The following LDHC variants were observed in gnomAD, a reference collection of about 807,000 sequenced individuals.
LDHC encodes L-lactate dehydrogenase C chain.
In LDHC, 20 loss-of-function variants were observed where a neutral mutation model predicts 30.2. That is an observed-to-expected ratio of 0.66 (90% CI 0.47 to 0.96). LDHC has a LOEUF of 0.96. Ranked by LOEUF, LDHC falls within the 40% of genes least tolerant of loss-of-function variation. The pLI is 0.00. For missense variants in LDHC, 362 were observed against 394.9 expected (o/e 0.92, Z 0.71); for synonymous variants, 139 against 132.7 (o/e 1.05, Z -0.32).
chr11:18,450,771 C>T (rs2133851010), intron 7 of LDHC, 192 bp from the exon 8 acceptor site: 1 of 465,132 alleles, frequency 2.1e-6, no homozygotes, highest in African/African-American at 2.1e-5. Flanking sequence ...TTCTTCATGT[C>T]ACTGAATGTA....
Position 18,429,806 on chromosome 11 carries a change from C to T in LDHC, c.314C>T (p.Thr105Ile), listed in dbSNP as rs1848232417. 13 of 1,611,904 alleles carry T rather than the reference C, an allele frequency of 8.1e-6. No homozygotes were observed. Among genetic ancestry groups the T allele is most frequent in the Non-Finnish European group, 5.1e-6 (6 of 1,178,042 alleles). The part of the protein sequence containing the change: ...TAGARQQEGE[T>I]RLALVQRNVA... ...GGTGCAAGGCAGCAGGAGGGAGAAA[C>T]TCGCCTTGCCCTGGTCCAACGTAAT... Residue 105 changes from threonine (T) to isoleucine (I), a missense_variant, in exon 4 of 8, where the codon ACT (threonine) becomes ATT (isoleucine). Thr to Ile is a moderately conservative substitution (Grantham distance 89). Coordinates refer to ENST00000541669, the MANE Select transcript of LDHC (RefSeq NM_017448.5).
At chr11:18,428,802 G>A (rs140739480) in intron 3 of LDHC, among the ~76,000 whole-genome samples, 116 of 151,338 alleles carry the variant, frequency 7.7e-4, no homozygotes, top group East Asian at 9.8e-4. Context: ...TTGAACCTGA[G>A]TGGCAGACGT....
intron 6 of LDHC, among the ~76,000 whole-genome samples, chr11:18,442,922 T>C (rs73440610): frequency 0.15 from 22,716 of 152,082 alleles, 1,882 homozygotes; most frequent in Middle Eastern, 0.22. Context: ...CTCAGCCTCC[T>C]GAAGCCACCA....
At chr11:18,447,816 G>A (rs1001035926) in intron 7 of LDHC, among the ~76,000 whole-genome samples, 1 of 152,172 alleles carries the variant, frequency 6.6e-6, no homozygotes, top group Non-Finnish European at 1.5e-5. Context: ...TTGGGAGGCT[G>A]AGGCCGGTGG....
chr11:18,415,788 G>A lies in LDHC; in HGVS notation c.244+487G>A, dbSNP rs558333177. Among the ~76,000 whole-genome samples the A allele has an allele frequency of 1.5e-4, 23 of 151,158 alleles. No homozygotes were observed. The South Asian group carries it at 3.8e-3, about 25-fold the overall frequency. ...GCTCACTGCAACCTCCGCCACCTGG[G>A]TTCAAGCAATTTTCTTGCCTCAGTC... On this transcript the variant is annotated intron_variant, in intron 3 of 7. Transcript: ENST00000541669.
chr11:18,445,441 C>T (rs1209958164), intron 6 of LDHC, among the ~76,000 whole-genome samples: 1 of 152,148 alleles, frequency 6.6e-6, no homozygotes, highest in Admixed American at 6.5e-5. Context: ...TCGTGATCCA[C>T]CCACCTCGGC....
At chr11:18,446,567 C>T (rs1044295391) in intron 7 of LDHC, among the ~76,000 whole-genome samples, 52 of 152,174 alleles carry the variant, frequency 3.4e-4, no homozygotes, top group Non-Finnish European at 6.5e-4. Context: ...GTTTTGAGCC[C>T]TGGCATATAA....
rs1180489452 is a variant in LDHC at position 18,435,045 on chromosome 11, C to CT, written c.592+136dup. 3 of 532,758 alleles carry CT rather than the reference C, an allele frequency of 5.6e-6. No homozygotes were observed. In the African/African-American group the frequency reaches 5.8e-5, roughly 10 times the overall value. The allele number at this position is 532,758 out of a possible 1,614,324, so 33.0% of individuals were successfully genotyped here. A position where few individuals can be genotyped will look rare whatever the true frequency, so the allele number is the denominator to read the frequency against. On this transcript the variant is annotated intron_variant, in intron 5 of 7. Coordinates refer to ENST00000541669, the MANE Select transcript of LDHC (RefSeq NM_017448.5). ...TTTTTTTGGTATTTCCCTGGTGTAA[C>CT]TTTTACTATTCCTTTAGTTTCAATC...
intron 5 of LDHC, among the ~76,000 whole-genome samples, chr11:18,435,126 GT>G (rs1565053572): frequency 6.6e-6 from 1 of 152,216 alleles, no homozygotes; most frequent in East Asian, 1.9e-4. Context: ...GCATATAGCT[GT>G]TTTAATAGTC....
chr11:18,414,523 A>T (rs1454002870), intron 2 of LDHC, among the ~76,000 whole-genome samples: 1 of 152,142 alleles, frequency 6.6e-6, no homozygotes, highest in East Asian at 1.9e-4. Context: ...AATTAGGGTT[A>T]AGGTTAAATA....
intron 7 of LDHC, among the ~76,000 whole-genome samples, chr11:18,448,300 G>C (rs1020073418): frequency 6.6e-6 from 1 of 152,028 alleles, no homozygotes; most frequent in Non-Finnish European, 1.5e-5. Context: ...ATGTTTTGGG[G>C]AGGGATGAAG....
chr11:18,418,442 T>C (rs866449543), intron 3 of LDHC, among the ~76,000 whole-genome samples: 1 of 151,580 alleles, frequency 6.6e-6, no homozygotes, highest in Non-Finnish European at 1.5e-5. Context: ...TTTTATTTTA[T>C]TTTTTGAGAT....
At chr11:18,419,023 TCA>T (rs201545492) in intron 3 of LDHC, among the ~76,000 whole-genome samples, 1,796 of 152,270 alleles carry the variant, frequency 0.012, 19 homozygotes, top group South Asian at 0.021. Context: ...TTTCACTGAC[TCA>T]TAAAATTTAG....
intron 3 of LDHC, among the ~76,000 whole-genome samples, chr11:18,418,584 C>T (rs1328463624): frequency 6.6e-6 from 1 of 151,800 alleles, no homozygotes; most frequent in Admixed American, 6.6e-5. Context: ...TGCATACCAC[C>T]ATGCCCAGCT....
chr11:18,450,131 G>C (rs143075940), intron 7 of LDHC: 1 of 152,578 alleles, frequency 6.6e-6, no homozygotes, highest in East Asian at 1.9e-4. Context: ...TCCAAGACCA[G>C]GGAGGATAGT....
At chr11:18,420,154 A>G (rs897053981) in intron 3 of LDHC, among the ~76,000 whole-genome samples, 2 of 152,192 alleles carry the variant, frequency 1.3e-5, no homozygotes, top group Admixed American at 6.5e-5. Context: ...ACACATTTGA[A>G]GAGAGAAGTG....
At position 18,451,118 on chromosome 11, in the gene LDHC, A is replaced by G; in HGVS notation, c.990A>G (p.Leu330=). The G allele has an allele frequency of 6.6e-7, 1 of 1,507,910 alleles. No homozygotes were observed. Among genetic ancestry groups the G allele is most frequent in the Non-Finnish European group, 8.8e-7 (1 of 1,133,726 alleles). 93.4% of individuals were successfully genotyped at this position (1,507,910 alleles called of 1,614,324 possible). Residue 330 remains leucine (L), a synonymous_variant, in exon 8 of 8, where the codon CTA becomes CTG. Coordinates refer to ENST00000541669, the MANE Select transcript of LDHC (RefSeq NM_017448.5). ...AETLWNIQKD[L]IF ...CACTTTGGAATATTCAAAAGGATCT[A>G]ATATTTTAAATTAAAGCCTTCTAAT...
chr11:18,413,494 C>T (rs1284975383), intron 2 of LDHC, among the ~76,000 whole-genome samples: 2 of 127,262 alleles, frequency 1.6e-5, no homozygotes, highest in South Asian at 2.6e-4. Context: ...GACGGAGTCT[C>T]GCTCTGTTGC....
At chr11:18,448,583 G>A (rs1848595671) in intron 7 of LDHC, among the ~76,000 whole-genome samples, 1 of 152,058 alleles carries the variant, frequency 6.6e-6, no homozygotes, top group African/African-American at 2.4e-5. Context: ...GCGCCCTGCT[G>A]AGTTATATTT....
Sources: allele counts gnomAD v4.1 joint callset (sites outside exome capture counted in the v4.1 genomes callset), GRCh38; gene constraint gnomAD v4.1.1; transcripts MANE v1.5; gene names NCBI Gene and HGNC (gene_info 2026-07-23, HGNC 2026-07-21).